The following GNAI3 variants were observed in gnomAD, a reference collection of about 807,000 sequenced individuals.
GNAI3 encodes the protein G protein subunit alpha i3.
In GNAI3, 12 loss-of-function variants were observed where a neutral mutation model predicts 41.8. The observed-to-expected ratio is 0.29, with a 90% CI of 0.18 to 0.47. The LOEUF (loss-of-function observed/expected upper bound fraction) is 0.47, where lower values mean the gene tolerates loss of function less well. Ranked by LOEUF, GNAI3 falls within the 20% of genes least tolerant of loss-of-function variation. GNAI3 has a pLI of 1.00. For synonymous variants in GNAI3, 132 were observed against 146.5 expected (o/e 0.90, Z 0.71); for missense variants, 360 against 429.6 (o/e 0.84, Z 1.43).
chr1:109,564,992 G>A (rs1648412293), intron 1 of GNAI3, among the ~76,000 whole-genome samples: 1 of 152,126 alleles, frequency 6.6e-6, no homozygotes, highest in Admixed American at 6.5e-5. Flanking sequence ...GCCAGGCGCG[G>A]TGGCTCACGC....
intron 1 of GNAI3, among the ~76,000 whole-genome samples, chr1:109,559,758 A>G (rs1648259348): frequency 6.6e-6 from 1 of 152,208 alleles, no homozygotes; most frequent in African/African-American, 2.4e-5. Context: ...TTTGGTGTTT[A>G]GCAAGTTAAA....
chr1:109,575,444 ATTCT>A (rs1648712071), intron 3 of GNAI3, among the ~76,000 whole-genome samples: 1 of 124,004 alleles, frequency 8.1e-6, no homozygotes, highest in South Asian at 2.6e-4. Context: ...TCAGTTATTT[ATTCT>A]TTTAGTTTGT....
rs868476641 is a variant in GNAI3, at chr1:109,595,440, T to C, written c.*3118T>C. 2 of 152,346 alleles carry C rather than the reference T, an allele frequency of 1.3e-5. No individual in the cohort carries two copies. The highest frequency in any genetic ancestry group is 4.8e-5 in the African/African-American group (2 of 41,568). The allele number at this position is 152,346 out of a possible 1,614,324, so 9.4% of individuals were successfully genotyped here. A position where few individuals can be genotyped will look rare whatever the true frequency, so the allele number is the denominator to read the frequency against. On this transcript the variant is annotated 3_prime_UTR_variant, in exon 9 of 9. Transcript: ENST00000369851. ...TGGATCGTTATTTTTCACAAGGTAC[T>C]ACATTCTTACAATGTAAGACTAGAT...
intron 1 of GNAI3, among the ~76,000 whole-genome samples, chr1:109,572,783 T>G (rs1340028119): frequency 1.3e-5 from 2 of 152,168 alleles, no homozygotes; most frequent in African/African-American, 4.8e-5. Flanking sequence ...AAGAAAAAAC[T>G]GATCATATTT....
chr1:109,563,902 C>T, intron 1 of GNAI3, among the ~76,000 whole-genome samples: 1 of 152,120 alleles, frequency 6.6e-6, no homozygotes. Flanking sequence ...AATAGGTACA[C>T]AGATTTTTTG....
At chr1:109,554,392 AT>A (rs1028061754) in intron 1 of GNAI3, among the ~76,000 whole-genome samples, 15 of 148,898 alleles carry the variant, frequency 1.0e-4, no homozygotes, top group Admixed American at 6.0e-4. Flanking sequence ...ACCAACATCT[AT>A]TTTTTTTTTA....
chr1:109,566,420 T>C (rs1308247180), intron 1 of GNAI3, among the ~76,000 whole-genome samples: 1 of 152,150 alleles, frequency 6.6e-6, no homozygotes, highest in Non-Finnish European at 1.5e-5. Flanking sequence ...AGGAGACATG[T>C]TTGTTGAAAA....
Position 109,573,982 on chromosome 1 carries a change from C to T in GNAI3, c.248C>T (p.Ala83Val), listed in dbSNP as rs757625106. The T allele has an allele frequency of 6.2e-7, 1 of 1,611,066 alleles. No individual in the cohort carries two copies. Among genetic ancestry groups the T allele is most frequent in the Non-Finnish European group, 8.5e-7 (1 of 1,177,392 alleles). Residue 83 changes from alanine to valine, a missense_variant, in exon 3 of 9, where the codon GCA becomes GTA. Physicochemically the swap from Ala to Val is moderately conservative, Grantham distance 64 (BLOSUM62 0). Coordinates refer to ENST00000369851, the MANE Select transcript of GNAI3 (RefSeq NM_006496.4). ...VYSNTIQSII[A>V]IIRAMGRLKI... ...AGCAATACTATACAGTCCATCATTG[C>T]AATCATAAGAGCCATGGGACGGCTA...
At chr1:109,565,445 A>G (rs966922563) in intron 1 of GNAI3, among the ~76,000 whole-genome samples, 3 of 152,136 alleles carry the variant, frequency 2.0e-5, no homozygotes, top group African/African-American at 7.2e-5. Flanking sequence ...TATTGTCAGT[A>G]TAGTCATGGG....
intron 1 of GNAI3, among the ~76,000 whole-genome samples, chr1:109,551,429 T>C (rs145705610): frequency 4.6e-5 from 7 of 152,352 alleles, no homozygotes; most frequent in African/African-American, 1.7e-4. Flanking sequence ...TAAGTTGAGA[T>C]CTATCTACTT....
chr1:109,584,066 T>C (rs1443009607), intron 5 of GNAI3, among the ~76,000 whole-genome samples: 1 of 152,210 alleles, frequency 6.6e-6, no homozygotes, highest in Non-Finnish European at 1.5e-5. Flanking sequence ...TGCTTATATG[T>C]AGAATGTGAT....
Position 109,598,962 on chromosome 1 carries a change from A to G in GNAI3, c.*6640A>G. On this transcript the variant is annotated 3_prime_UTR_variant, in exon 9 of 9. Coordinates refer to ENST00000369851, the MANE Select transcript of GNAI3 (RefSeq NM_006496.4). ...CCCTTCACCACCTTCTCCACCCAGC[A>G]TGGCCGGCACACTTTGGTCTACGGC... 1.9e-6 allele frequency: 1 copy of G among 534,972 alleles called. No individual in the cohort carries two copies. 33.1% of individuals were successfully genotyped at this position (534,972 alleles called of 1,614,324 possible). A position where few individuals can be genotyped will look rare whatever the true frequency, so the allele number is the denominator to read the frequency against.
intron 1 of GNAI3, among the ~76,000 whole-genome samples, chr1:109,565,811 T>C (rs1370875644): frequency 1.3e-5 from 2 of 152,116 alleles, no homozygotes; most frequent in Non-Finnish European, 2.9e-5. Flanking sequence ...AATGTAACAG[T>C]GTATGACATT....
At chr1:109,587,454 G>A (rs1415861030) in intron 7 of GNAI3, among the ~76,000 whole-genome samples, 2 of 152,112 alleles carry the variant, frequency 1.3e-5, no homozygotes, top group African/African-American at 4.8e-5. Flanking sequence ...TTCTGATGGG[G>A]TCACTGTAGT....
chr1:109,554,550 A>G (rs960601874), intron 1 of GNAI3, among the ~76,000 whole-genome samples: 25 of 152,056 alleles, frequency 1.6e-4, no homozygotes, highest in Admixed American at 1.0e-3. Flanking sequence ...TCCTTAGCCC[A>G]CTTTTTGATG....
At chr1:109,556,936 A>G (rs1459369040) in intron 1 of GNAI3, among the ~76,000 whole-genome samples, 2 of 152,090 alleles carry the variant, frequency 1.3e-5, no homozygotes, top group Non-Finnish European at 2.9e-5. Flanking sequence ...TATGATTACT[A>G]TTTAGTTCTC....
intron 1 of GNAI3, among the ~76,000 whole-genome samples, chr1:109,549,047 T>C (rs1411491538): frequency 6.6e-6 from 1 of 152,030 alleles, no homozygotes; most frequent in Non-Finnish European, 1.5e-5. Flanking sequence ...AATTAGGCTG[T>C]AGAGGGTGTG....
intron 1 of GNAI3, among the ~76,000 whole-genome samples, chr1:109,565,120 C>G (rs1371356840): frequency 6.6e-6 from 1 of 151,920 alleles, no homozygotes; most frequent in African/African-American, 2.4e-5. Flanking sequence ...AAAAATCGAC[C>G]TGGCGTGGTG....
intron 1 of GNAI3, among the ~76,000 whole-genome samples, chr1:109,553,999 C>T (rs145583845): frequency 6.6e-6 from 1 of 152,318 alleles, no homozygotes; most frequent in Non-Finnish European, 1.5e-5. Context: ...GAGTAATCGT[C>T]TCCAGTTCCA....
Sources: allele counts gnomAD v4.1 joint callset (sites outside exome capture counted in the v4.1 genomes callset), GRCh38; gene constraint gnomAD v4.1.1; transcripts MANE v1.5; gene names NCBI Gene and HGNC (gene_info 2026-07-23, HGNC 2026-07-21).